ROBO2: variants seen among roughly 807,000 people sequenced by gnomAD.
ROBO2 encodes roundabout guidance receptor 2, also known as roundabout homolog 2.
ROBO2 carries 53 observed loss-of-function variants against 160.8 expected under a neutral mutation model. The ratio of observed to expected loss-of-function variants is 0.33; its 90% confidence interval spans 0.26 to 0.41. The LOEUF (loss-of-function observed/expected upper bound fraction) is 0.41, where lower values mean the gene tolerates loss of function less well. ROBO2 is among the 10% of genes least tolerant of loss of function. The pLI is 1.00. For missense variants in ROBO2, 1,577 were observed against 1,722.4 expected, an observed-to-expected ratio of 0.92 and a Z score of 1.49; for synonymous variants, 664 against 611.7, an observed-to-expected ratio of 1.09 and a Z score of -1.26.
intron 2 of ROBO2, among the ~76,000 whole-genome samples, chr3:77,272,419 G>T (rs11924337): frequency 6.6e-5 from 10 of 151,992 alleles, no homozygotes; most frequent in South Asian, 6.2e-4. Flanking sequence ...AGAAGGGCGG[G>T]GGGGAGGTGT....
chr3:76,840,159 T>C (rs922829903), intron 2 of ROBO2, among the ~76,000 whole-genome samples: 1 of 152,180 alleles, frequency 6.6e-6, no homozygotes, highest in African/African-American at 2.4e-5. Flanking sequence ...TTATCTTTTG[T>C]ATTTTTTTAA....
intron 2 of ROBO2, among the ~76,000 whole-genome samples, chr3:77,370,725 A>G (rs2071623202): frequency 6.6e-6 from 1 of 150,894 alleles, no homozygotes; most frequent in Non-Finnish European, 1.5e-5. Flanking sequence ...ATATTGTAGG[A>G]CACATGAAAA....
intron 2 of ROBO2, among the ~76,000 whole-genome samples, chr3:76,654,664 G>A (rs529250080): frequency 6.6e-6 from 1 of 152,040 alleles, no homozygotes; most frequent in East Asian, 1.9e-4. Flanking sequence ...CACTTGGAAG[G>A]AGATAGAAAA....
In ROBO2 at chr3:77,200,310, TATATATA is replaced by T. The variant is rs1560218863; in HGVS notation, c.388+101971_388+101977del. 3.3e-3 allele frequency among the ~76,000 whole-genome samples: 297 copies of T among 89,302 alleles called. 4 individuals carry two copies. Among genetic ancestry groups the T allele is most frequent in the South Asian group, 9.1e-3 (27 of 2,968 alleles). 58.6% of individuals were successfully genotyped at this position (89,302 alleles called of 152,430 possible). A position where few individuals can be genotyped will look rare whatever the true frequency, so the allele number is the denominator to read the frequency against. On this transcript the variant is annotated intron_variant, in intron 2 of 25. Transcript: ENST00000461745. The stretch of plus-strand genomic sequence containing the variant: ...ATATATATATATATATATATATATA[TATATATA>T]TATATTTTAGTTTCTATAGGTAAAG...
chr3:77,620,256 T>C (rs1197841810), intron 22 of ROBO2, among the ~76,000 whole-genome samples: 1 of 152,192 alleles, frequency 6.6e-6, no homozygotes, highest in Non-Finnish European at 1.5e-5. Flanking sequence ...GTTTAACAAA[T>C]AATAATTCCC....
At chr3:76,147,201 A>G (rs1197452672) in intron 2 of ROBO2, among the ~76,000 whole-genome samples, 1 of 152,004 alleles carries the variant, frequency 6.6e-6, no homozygotes, top group East Asian at 1.9e-4. Flanking sequence ...TAATTAGAGT[A>G]CATTGAAATA....
chr3:76,738,513 G>C (rs1260107526), intron 2 of ROBO2, among the ~76,000 whole-genome samples: 1 of 152,160 alleles, frequency 6.6e-6, no homozygotes, highest in Non-Finnish European at 1.5e-5. Context: ...AATGTCTCCA[G>C]ACATCGCCAC....
chr3:77,141,982 T>A (rs1191594672), intron 2 of ROBO2, among the ~76,000 whole-genome samples: 1 of 152,194 alleles, frequency 6.6e-6, no homozygotes, highest in Non-Finnish European at 1.5e-5. Context: ...GCATACTCAA[T>A]TAAAAATATG....
intron 2 of ROBO2, among the ~76,000 whole-genome samples, chr3:76,218,217 A>G (rs4855976): frequency 0.89 from 135,504 of 152,186 alleles, 60,773 homozygotes; most frequent in Non-Finnish European, 0.95. Flanking sequence ...TACTGAATGG[A>G]CAAAAACTGG....
intron 2 of ROBO2, among the ~76,000 whole-genome samples, chr3:77,165,867 T>G: frequency 6.6e-6 from 1 of 152,160 alleles, no homozygotes; most frequent in East Asian, 1.9e-4. Context: ...ATCCCCAACT[T>G]TTCTATTTTT....
chr3:75,995,111 G>A (rs2065687498), intron 2 of ROBO2, among the ~76,000 whole-genome samples: 1 of 152,116 alleles, frequency 6.6e-6, no homozygotes, highest in Non-Finnish European at 1.5e-5. Flanking sequence ...CATTTTCTGG[G>A]GAGAAATTAA....
intron 2 of ROBO2, among the ~76,000 whole-genome samples, chr3:76,448,116 A>G (rs2077292401): frequency 6.6e-6 from 1 of 152,014 alleles, no homozygotes; most frequent in South Asian, 2.1e-4. Context: ...AACAAACAAA[A>G]ATATTCTCCT....
chr3:76,522,554 C>T (rs186572755), intron 2 of ROBO2, among the ~76,000 whole-genome samples: 99 of 152,254 alleles, frequency 6.5e-4, no homozygotes, highest in Non-Finnish European at 7.8e-4. Context: ...GAGAACTACA[C>T]GGTGTTTTTA....
chr3:76,329,249 C>T (rs548603635), intron 2 of ROBO2, among the ~76,000 whole-genome samples: 2 of 152,220 alleles, frequency 1.3e-5, no homozygotes, highest in South Asian at 2.1e-4. Context: ...GATGGAGTTT[C>T]GCTCTGTGGT....
At chr3:76,685,869 T>G (rs975499863) in intron 2 of ROBO2, among the ~76,000 whole-genome samples, 7 of 152,222 alleles carry the variant, frequency 4.6e-5, no homozygotes, top group African/African-American at 1.7e-4. Flanking sequence ...ACGCATGACT[T>G]TAATTAATTC....
chr3:77,052,563 C>T (rs2065331170), intron 1 of ROBO2, among the ~76,000 whole-genome samples: 1 of 152,162 alleles, frequency 6.6e-6, no homozygotes, highest in African/African-American at 2.4e-5. Context: ...TATTGTCAAA[C>T]CTTTTGACAA....
chr3:76,198,005 T>A (rs1382248376), intron 2 of ROBO2, among the ~76,000 whole-genome samples: 1 of 152,142 alleles, frequency 6.6e-6, no homozygotes, highest in East Asian at 1.9e-4. Context: ...AATATCTGAA[T>A]CTCACTGTAA....
intron 6 of ROBO2, among the ~76,000 whole-genome samples, chr3:77,541,232 C>T (rs1224389396): frequency 6.6e-6 from 1 of 152,164 alleles, no homozygotes; most frequent in Non-Finnish European, 1.5e-5. Flanking sequence ...CATAGGAAGT[C>T]ATATTTTCCT....
chr3:76,006,353 C>T (rs1396088942), intron 2 of ROBO2, among the ~76,000 whole-genome samples: 1 of 152,058 alleles, frequency 6.6e-6, no homozygotes, highest in Non-Finnish European at 1.5e-5. Flanking sequence ...CCAGTGATAG[C>T]TGCCATCAAG....
Sources: gnomAD v4.1 joint callset for allele counts (sites outside exome capture counted in the v4.1 genomes callset) on GRCh38, gnomAD v4.1.1 for gene constraint, MANE v1.5 for transcripts, NCBI Gene and HGNC (gene_info 2026-07-23, HGNC 2026-07-21) for gene names.